PLPP4: variants seen among roughly 807,000 people sequenced by gnomAD.
PLPP4 encodes phospholipid phosphatase 4, also known as diacylglycerol pyrophosphate like 2.
Under a neutral mutation model 32.2 loss-of-function variants are expected in PLPP4, and 20 were observed. That is an observed-to-expected ratio of 0.62 (90% CI 0.44 to 0.90). The LOEUF is 0.90. PLPP4 is among the 40% of genes least tolerant of loss of function. The pLI, the probability that PLPP4 is intolerant of heterozygous loss-of-function variation, is 0.00. For missense variants in PLPP4, 257 were observed against 353.1 expected (o/e 0.73, Z 2.18); for synonymous variants, 127 against 133.0 (o/e 0.95, Z 0.31).
At chr10:120,578,259 G>A (rs142444989) in intron 6 of PLPP4, among the ~76,000 whole-genome samples, 1 of 152,344 alleles carries the variant, frequency 6.6e-6, no homozygotes, top group Non-Finnish European at 1.5e-5. Context: ...CCACTGGGAG[G>A]AGGGATGCAG....
At chr10:120,556,507 A>C (rs889482306) in intron 5 of PLPP4, among the ~76,000 whole-genome samples, 6 of 152,342 alleles carry the variant, frequency 3.9e-5, no homozygotes, top group African/African-American at 1.4e-4. Flanking sequence ...TATAAAATTC[A>C]AGTTTGTCAT....
chr10:120,465,967 T>G lies in PLPP4; in HGVS notation c.56+8606T>G, dbSNP rs116681423. ...CCACGGATATATGGGATATTTATCA[T>G]TTTTGGCTATTAAGTGCAATGCTGC... On this transcript the variant is annotated intron_variant, in intron 1 of 6. Transcript: ENST00000398250. Among the ~76,000 whole-genome samples, 276 of 152,274 alleles carry G rather than the reference T, an allele frequency of 1.8e-3. 1 individual carries two copies. The highest frequency in any genetic ancestry group is 6.4e-3 in the African/African-American group (265 of 41,568).
intron 1 of PLPP4, among the ~76,000 whole-genome samples, chr10:120,471,670 T>C (rs550901144): frequency 2.8e-4 from 42 of 152,212 alleles, no homozygotes; most frequent in Non-Finnish European, 5.3e-4. Context: ...CATTTAGTTA[T>C]ATCTTTTAAC....
chr10:120,498,358 A>G (rs1845068708), intron 1 of PLPP4, among the ~76,000 whole-genome samples: 1 of 152,206 alleles, frequency 6.6e-6, no homozygotes, highest in South Asian at 2.1e-4. Context: ...ATTAGAGTTT[A>G]TTGATAACAA....
intron 5 of PLPP4, 105 bp from the exon 6 acceptor site, chr10:120,575,026 C>T (rs897192996): frequency 1.6e-6 from 2 of 1,212,446 alleles, no homozygotes; most frequent in African/African-American, 1.5e-5. Context: ...CCAACATGGC[C>T]TTGGCCTTGG....
chr10:120,485,236 C>G (rs925462254), intron 1 of PLPP4, among the ~76,000 whole-genome samples: 6 of 152,208 alleles, frequency 3.9e-5, no homozygotes, highest in African/African-American at 1.4e-4. Flanking sequence ...CCTGTGCCTT[C>G]CCCCTAGAGC....
chr10:120,531,476 T>G (rs1215258883), intron 5 of PLPP4, among the ~76,000 whole-genome samples: 1 of 152,138 alleles, frequency 6.6e-6, no homozygotes, highest in African/African-American at 2.4e-5. Context: ...ATTTACTACT[T>G]TCTTCTTTTA....
At position 120,515,632 on chromosome 10, in the gene PLPP4, G is replaced by T. The variant is rs532262496; in HGVS notation, c.256+1631G>T. The stretch of plus-strand genomic sequence containing the variant: ...GTGTGGCTTGGACTTTTGGTCACAG[G>T]TTTCAGTCTCCTCAGCTGAGGTGGA... On this transcript the variant is annotated intron_variant, in intron 3 of 6. Transcript: ENST00000398250. Among the ~76,000 whole-genome samples the T allele has an allele frequency of 1.6e-3, 248 of 152,316 alleles. 1 individual carries two copies. The highest frequency in any genetic ancestry group is 2.3e-3 in the Non-Finnish European group (158 of 68,040).
Position 120,467,342 on chromosome 10 carries a change from A to G in PLPP4, c.56+9981A>G, listed in dbSNP as rs549173926. ...TCTTACCTCGTGATCTGCCCGCCTCAGCCTCCCAAAGTGCTGGGATTACAG... is the reference window on the plus strand; with the variant it reads ...TCTTACCTCGTGATCTGCCCGCCTCGGCCTCCCAAAGTGCTGGGATTACAG... On this transcript the variant is annotated intron_variant, in intron 1 of 6. Transcript: ENST00000398250. Among the ~76,000 whole-genome samples, 2 of 64,088 alleles carry G rather than the reference A, an allele frequency of 3.1e-5. 1 individual carries two copies. The highest frequency in any genetic ancestry group is 9.1e-5 in the Non-Finnish European group (2 of 22,070). The allele number at this position is 64,088 out of a possible 152,430, so 42.0% of individuals were successfully genotyped here. A position where few individuals can be genotyped will look rare whatever the true frequency, so the allele number is the denominator to read the frequency against.
At chr10:120,526,349 G>C (rs1365398726) in intron 5 of PLPP4, among the ~76,000 whole-genome samples, 1 of 152,052 alleles carries the variant, frequency 6.6e-6, no homozygotes, top group Non-Finnish European at 1.5e-5. Context: ...TTTGCTGTGT[G>C]TTGTGATTTA....
intron 5 of PLPP4, among the ~76,000 whole-genome samples, chr10:120,530,343 G>GT (rs1022095250): frequency 5.3e-5 from 8 of 151,470 alleles, no homozygotes; most frequent in Non-Finnish European, 1.0e-4. Context: ...TTTGTTTTTT[G>GT]TTTTTTTGTC....
intron 1 of PLPP4, among the ~76,000 whole-genome samples, chr10:120,494,974 A>G (rs956912534): frequency 3.3e-5 from 5 of 152,142 alleles, no homozygotes; most frequent in Admixed American, 6.5e-5. Flanking sequence ...GATGCCATTG[A>G]GCTGGTGGGG....
At chr10:120,506,433 T>G (rs1021658135) in intron 2 of PLPP4, among the ~76,000 whole-genome samples, 5 of 152,226 alleles carry the variant, frequency 3.3e-5, no homozygotes, top group African/African-American at 1.2e-4. Flanking sequence ...AGTAGAAGAA[T>G]TGGTAATAGA....
At chr10:120,544,728 A>G (rs796335673) in intron 5 of PLPP4, among the ~76,000 whole-genome samples, 49 of 152,364 alleles carry the variant, frequency 3.2e-4, no homozygotes, top group African/African-American at 1.2e-3. Context: ...GGTTTGGTGA[A>G]CAGCACAGGC....
At chr10:120,539,465 CCT>C (rs1187234262) in intron 5 of PLPP4, among the ~76,000 whole-genome samples, 10 of 152,106 alleles carry the variant, frequency 6.6e-5, no homozygotes. Context: ...TGCTGGATTC[CCT>C]CTCTGCCTTC....
At chr10:120,498,660 T>G (rs1845084632) in intron 1 of PLPP4, among the ~76,000 whole-genome samples, 1 of 151,748 alleles carries the variant, frequency 6.6e-6, no homozygotes, top group African/African-American at 2.4e-5. Flanking sequence ...TATTCTTTTT[T>G]TTTTTTTCTT....
At chr10:120,535,908 T>G (rs1564823558) in intron 5 of PLPP4, among the ~76,000 whole-genome samples, 3 of 152,108 alleles carry the variant, frequency 2.0e-5, no homozygotes, top group Non-Finnish European at 4.4e-5. Flanking sequence ...ATTACTGACT[T>G]GTAACAGTCT....
chr10:120,580,042 C>A (rs1329861478), intron 6 of PLPP4, among the ~76,000 whole-genome samples: 7 of 146,814 alleles, frequency 4.8e-5, no homozygotes, highest in African/African-American at 1.8e-4. Flanking sequence ...ATGGCGTGAA[C>A]CTGGGAGGCA....
intron 5 of PLPP4, among the ~76,000 whole-genome samples, chr10:120,572,758 G>T (rs1010886295): frequency 3.3e-5 from 5 of 152,176 alleles, no homozygotes; most frequent in Non-Finnish European, 7.3e-5. Context: ...AATACCTCAA[G>T]GAAGAATGTA....
Sources: allele counts gnomAD v4.1 joint callset (sites outside exome capture counted in the v4.1 genomes callset), GRCh38; gene constraint gnomAD v4.1.1; transcripts MANE v1.5; gene names NCBI Gene and HGNC (gene_info 2026-07-23, HGNC 2026-07-21).